Variants in ANKRD31 observed in about 807,000 individuals in gnomAD.
ANKRD31 encodes ankyrin repeat domain-containing protein 31.
ANKRD31 carries 147 observed loss-of-function variants against 186.0 expected under a neutral mutation model. The ratio of observed to expected loss-of-function variants is 0.79; its 90% CI spans 0.69 to 0.91. The LOEUF is 0.91. Ranked by LOEUF, ANKRD31 falls within the 40% of genes least tolerant of loss-of-function variation. ANKRD31 has a pLI of 0.00. For missense variants in ANKRD31, 1,986 were observed against 2,148.8 expected, an observed-to-expected ratio of 0.92 and a Z score of 1.50; for synonymous variants, 673 against 736.4, an observed-to-expected ratio of 0.91 and a Z score of 1.39.
intron 8 of ANKRD31, among the ~76,000 whole-genome samples, 180 bp from the exon 9 acceptor site, chr5:75,192,956 C>A (rs1446795004): frequency 6.6e-6 from 1 of 152,102 alleles, no homozygotes; most frequent in African/African-American, 2.4e-5. Flanking sequence ...AGCAGGCATG[C>A]CAGTCATCAC....
chr5:75,085,278 C>G lies in ANKRD31; in HGVS notation c.5473-904G>C, dbSNP rs919938134. Among the ~76,000 whole-genome samples, 6 of 152,132 alleles carry G rather than the reference C, an allele frequency of 3.9e-5. No homozygotes were observed. The East Asian group carries it at 1.2e-3, about 29-fold the overall frequency. On this transcript the variant is annotated intron_variant, in intron 23 of 25. Transcript: ENST00000506364. ...AACCATAAGCTCCTTGAGGACAGGT[C>G]TATATCATATTCATTCAAATACCCT...
intron 16 of ANKRD31, 41 bp downstream of exon 16, chr5:75,138,805 A>C (rs1193312121): frequency 1.3e-6 from 2 of 1,522,192 alleles, no homozygotes; most frequent in Non-Finnish European, 8.8e-7. Context: ...TATTTCAGTG[A>C]GTTCAAATTA....
intron 21 of ANKRD31, among the ~76,000 whole-genome samples, chr5:75,106,426 A>G (rs909184929): frequency 2.0e-5 from 3 of 152,116 alleles, no homozygotes; most frequent in African/African-American, 4.8e-5. Context: ...AGTAGTATAC[A>G]TAAGTGAAAA....
chr5:75,192,713 C>A lies in ANKRD31; in HGVS notation c.1362G>T (p.Lys454Asn). 1.3e-6 allele frequency: 2 copies of A among 1,535,318 alleles called. No homozygotes were observed. Among genetic ancestry groups the A allele is most frequent in the Non-Finnish European group, 8.7e-7 (1 of 1,146,042 alleles). ...CATTTTTCCTGATCTGTTTTCCATT[C>A]TTGAACCTTGCTGAATGCATATTCT... ...KEKNMHSARF[K>N]NGKQIRKNEQ... Residue 454 changes from lysine (K) to asparagine (N), a missense_variant, in exon 9 of 26, where the codon AAG (lysine) becomes AAT (asparagine). Coordinates refer to ENST00000506364, the MANE Select transcript of ANKRD31 (RefSeq NM_001372053.1).
At chr5:75,206,612 A>G in intron 4 of ANKRD31, 125 bp from the exon 5 acceptor site, 3 of 382,612 alleles carry the variant, frequency 7.8e-6, no homozygotes, top group Non-Finnish European at 1.3e-5. Flanking sequence ...TTTTTGCTAT[A>G]TCATTCCAAT....
chr5:75,153,358 TTCGTTGTTACA>T (rs1277519319), intron 12 of ANKRD31, among the ~76,000 whole-genome samples: 2 of 152,094 alleles, frequency 1.3e-5, no homozygotes, highest in Non-Finnish European at 2.9e-5. Context: ...AGTATTAGGA[TTCGTTGTTACA>T]TACTGATAGA....
Position 75,146,329 on chromosome 5 carries a change from C to A in ANKRD31, c.3082G>T (p.Val1028Leu). 6.5e-7 allele frequency: 1 copy of A among 1,536,570 alleles called. No individual in the cohort carries two copies. The highest frequency in any genetic ancestry group is 8.7e-7 in the Non-Finnish European group (1 of 1,146,488). Residue 1028 changes from valine to leucine, a missense_variant, in exon 14 of 26, where the codon GTG becomes TTG. Physicochemically the swap from Val to Leu is conservative, Grantham distance 32 (BLOSUM62 1). Coordinates refer to ENST00000506364, the MANE Select transcript of ANKRD31 (RefSeq NM_001372053.1). ...TCCTGTGGCTTTTTGAATAGCTCCA[C>A]ATGATTAGTCAACTTTGAAGCCTCA... ...THEASKLTNHVELFKKPQDYI... is the reference protein window; with the variant it reads ...THEASKLTNHLELFKKPQDYI...
chr5:75,213,151 C>T (rs985193562), intron 3 of ANKRD31, among the ~76,000 whole-genome samples: 6 of 152,036 alleles, frequency 3.9e-5, no homozygotes, highest in African/African-American at 9.7e-5. Flanking sequence ...AGCTCAGAGG[C>T]CAAAGATAAG....
In ANKRD31 at chr5:75,104,520, C is replaced by G. The variant is rs1352341235; in HGVS notation, c.5039G>C (p.Ser1680Thr). The G allele has an allele frequency of 1.3e-6, 2 of 1,537,024 alleles. No individual in the cohort carries two copies. ...YDPKRGNRKT[S>T]SQQSPTGASE... The stretch of plus-strand genomic sequence containing the variant: ...TGCCCCTGTAGGTGATTGCTGGGAA[C>G]TTGTTTTTCTGTTTCCTCTTTTGGG... Residue 1680 changes from serine to threonine, a missense_variant, in exon 22 of 26, where the codon AGT becomes ACT. Coordinates refer to ENST00000506364, the MANE Select transcript of ANKRD31 (RefSeq NM_001372053.1).
chr5:75,156,388 G>C (rs548840477), intron 11 of ANKRD31, among the ~76,000 whole-genome samples: 7 of 152,224 alleles, frequency 4.6e-5, no homozygotes, highest in Admixed American at 2.6e-4. Context: ...AATCATAAAA[G>C]CAATATTTGC....
intron 10 of ANKRD31, among the ~76,000 whole-genome samples, chr5:75,181,878 AG>A (rs1754329841): frequency 7.5e-6 from 1 of 133,732 alleles, no homozygotes. Context: ...AAAACTTAAA[AG>A]TATAATAGTA....
Position 75,206,485 on chromosome 5 carries a change from G to GT in ANKRD31, c.328dup (p.Thr110AsnfsTer2), listed in dbSNP as rs1756254029. ...AATGAACATTGAACAGTTTTTTCTA[G>GT]TCCTAAAAAATCAATTAATAAAAAT... On this transcript the variant is annotated frameshift_variant and splice_region_variant, in exon 5 of 26. Transcript: ENST00000506364. LOFTEE classifies it high-confidence loss of function. 5 of 1,420,888 alleles carry GT rather than the reference G, an allele frequency of 3.5e-6. No homozygotes were observed. The Admixed American group carries it at 1.5e-4, about 41-fold the overall frequency. 88.0% of individuals were successfully genotyped at this position (1,420,888 alleles called of 1,614,324 possible).
At chr5:75,129,710 A>G (rs1395067607) in intron 17 of ANKRD31, among the ~76,000 whole-genome samples, 1 of 152,200 alleles carries the variant, frequency 6.6e-6, no homozygotes, top group Non-Finnish European at 1.5e-5. Context: ...TACAGCTCCC[A>G]GCATGAGCGA....
Position 75,104,471 on chromosome 5 carries a change from C to A in ANKRD31, c.5088G>T (p.Gly1696=). The A allele has an allele frequency of 3.3e-6, 5 of 1,537,158 alleles. No homozygotes were observed. Among genetic ancestry groups the A allele is most frequent in the Non-Finnish European group, 4.4e-6 (5 of 1,146,904 alleles). The part of the protein sequence containing the change: ...TGASESLAHQ[G]IAVLGSDTVH... ...CTGTATCACTGCCTAAGACAGCAAT[C>A]CCTTGATGTGCCAGAGATTCTGATG... Residue 1696 remains glycine, a synonymous_variant, in exon 22 of 26, where the codon GGG becomes GGT. Transcript: ENST00000506364.
intron 11 of ANKRD31, among the ~76,000 whole-genome samples, chr5:75,162,924 T>C (rs912112528): frequency 2.0e-5 from 3 of 152,234 alleles, no homozygotes; most frequent in African/African-American, 7.2e-5. Context: ...CTTCATTGTA[T>C]AGATTTATGC....
chr5:75,111,840 C>A (rs1747812933), intron 20 of ANKRD31, among the ~76,000 whole-genome samples: 1 of 152,122 alleles, frequency 6.6e-6, no homozygotes, highest in Admixed American at 6.6e-5. Flanking sequence ...GTAAGACATC[C>A]ACCTGTTACA....
chr5:75,132,262 A>C (rs190404374), intron 17 of ANKRD31, among the ~76,000 whole-genome samples: 218 of 152,324 alleles, frequency 1.4e-3, no homozygotes, highest in African/African-American at 5.1e-3. Context: ...AGAACCTAAA[A>C]ACCTTGAAAG....
chr5:75,147,587 C>A, intron 13 of ANKRD31, 82 bp from the exon 14 acceptor site: 5 of 974,376 alleles, frequency 5.1e-6, no homozygotes, highest in Non-Finnish European at 5.7e-6. Flanking sequence ...GATAAATCAA[C>A]TATTATTTGA....
intron 9 of ANKRD31, 100 bp from the exon 10 acceptor site, chr5:75,188,748 A>G (rs371082948): frequency 5.9e-6 from 6 of 1,025,568 alleles, no homozygotes; most frequent in African/African-American, 1.6e-5. Flanking sequence ...CTTCACGAAC[A>G]TAGGTAACAG....
Sources: allele counts gnomAD v4.1 joint callset (sites outside exome capture counted in the v4.1 genomes callset), GRCh38; gene constraint gnomAD v4.1.1; transcripts MANE v1.5; gene names NCBI Gene and HGNC (gene_info 2026-07-23, HGNC 2026-07-21).